Variants in PEBP4 observed in about 807,000 individuals in gnomAD.
PEBP4 encodes phosphatidylethanolamine binding protein 4.
Under a neutral mutation model 23.9 loss-of-function variants are expected in PEBP4, and 22 were observed. The observed-to-expected ratio is 0.92, with a 90% confidence interval of 0.66 to 1.31. The LOEUF (loss-of-function observed/expected upper bound fraction) is 1.31, where lower values mean the gene tolerates loss of function less well. Among genes scored for constraint, PEBP4 ranks in the 40% most tolerant of loss-of-function variants. PEBP4 has a pLI of 0.00. For synonymous variants in PEBP4, 112 were observed against 99.3 expected, an observed-to-expected ratio of 1.13 and a Z score of -0.76; for missense variants, 324 against 281.7, an observed-to-expected ratio of 1.15 and a Z score of -1.07.
chr8:22,853,866 C>T (rs1010797580), intron 3 of PEBP4, among the ~76,000 whole-genome samples: 14 of 152,198 alleles, frequency 9.2e-5, no homozygotes, highest in Non-Finnish European at 1.3e-4. Flanking sequence ...ATGAACAGAT[C>T]ACAGGAGATG....
chr8:22,934,316 A>G (rs1809504963), intron 1 of PEBP4, among the ~76,000 whole-genome samples: 1 of 152,250 alleles, frequency 6.6e-6, no homozygotes, highest in Non-Finnish European at 1.5e-5. Context: ...AATGGGGGGC[A>G]CGGAGCTGTA....
intron 3 of PEBP4, among the ~76,000 whole-genome samples, chr8:22,902,090 G>A (rs575465093): frequency 1.3e-4 from 20 of 152,036 alleles, no homozygotes; most frequent in African/African-American, 4.1e-4. Context: ...AGGCTGAGGC[G>A]GGTGGATCAC....
intron 4 of PEBP4, chr8:22,798,721 CTTTTTTCTTTTTTTTTT>C (rs2128758312): frequency 1.3e-5 from 1 of 77,114 alleles, no homozygotes; most frequent in African/African-American, 5.9e-5. Flanking sequence ...TTTTTCTTTT[CTTTTTTCTTTTTTTTTT>C]TTTTTTTTTT....
chr8:22,907,579 C>A (rs1200367382), intron 3 of PEBP4, among the ~76,000 whole-genome samples: 3 of 151,960 alleles, frequency 2.0e-5, no homozygotes, highest in Non-Finnish European at 4.4e-5. Context: ...GCAAGGGAGC[C>A]AATGAGAAGT....
At chr8:22,746,606 G>A (rs950088007) in intron 4 of PEBP4, among the ~76,000 whole-genome samples, 2 of 141,256 alleles carry the variant, frequency 1.4e-5, no homozygotes, top group African/African-American at 5.3e-5. Flanking sequence ...CCTTTGTTCC[G>A]CCCTCTCCTC....
At chr8:22,927,943 C>T (rs183564569), upstream of PEBP4, 11 of 512,116 alleles carry the variant, frequency 2.1e-5, no homozygotes, top group African/African-American at 5.9e-5. Context: ...ACTCAATGTA[C>T]GTTCCTGGCA....
chr8:22,713,456 A>G lies in PEBP4; in HGVS notation c.598T>C (p.Tyr200His). 1 of 1,613,996 alleles carries G rather than the reference A, an allele frequency of 6.2e-7. No individual in the cohort carries two copies. ...EASTQFMTQN[Y>H]QDSPTLQAPR... ...GCCTGGAGGGTTGGTGAGTCCTGGT[A>G]GTTCTGGGTCATGAACTGGGTGCTT... The change falls in exon 7 of 7, where the codon TAC becomes CAC. Residue 200 changes from tyrosine to histidine, a missense_variant. Physicochemically the swap from Tyr to His is moderately conservative, Grantham distance 83 (BLOSUM62 2). Transcript: ENST00000256404.
intron 4 of PEBP4, among the ~76,000 whole-genome samples, chr8:22,756,441 G>A (rs1196123190): frequency 6.6e-6 from 1 of 152,202 alleles, no homozygotes; most frequent in Non-Finnish European, 1.5e-5. Context: ...GACAGTCTCG[G>A]CCAGTTGTGG....
chr8:22,868,868 A>T (rs1807954923), intron 3 of PEBP4, among the ~76,000 whole-genome samples: 1 of 152,158 alleles, frequency 6.6e-6, no homozygotes, highest in African/African-American at 2.4e-5. Flanking sequence ...CCTGTTTTCA[A>T]CATGGTGGCC....
At chr8:22,801,447 AG>A (rs1475623860) in intron 4 of PEBP4, among the ~76,000 whole-genome samples, 2 of 152,106 alleles carry the variant, frequency 1.3e-5, no homozygotes, top group Non-Finnish European at 2.9e-5. Context: ...CCTGGCTGCC[AG>A]GCCCTCAGGG....
chr8:22,767,685 G>A lies in PEBP4; in HGVS notation c.358-40465C>T, dbSNP rs566566633. ...ATTTGCTATCTTGATCTCGGTGGTG[G>A]TTACTTGGGTAAATAACCATTAAAT... is the stretch of plus-strand genomic sequence containing the variant. On this transcript the variant is annotated intron_variant, in intron 4 of 6. Transcript: ENST00000256404. 1.2e-3 allele frequency among the ~76,000 whole-genome samples: 188 copies of A among 152,122 alleles called. 1 individual carries two copies. Among genetic ancestry groups the A allele is most frequent in the African/African-American group, 4.4e-3 (181 of 41,502 alleles).
chr8:22,760,954 C>T lies in PEBP4; in HGVS notation c.358-33734G>A, dbSNP rs150232537. Reference sequence around the variant, plus strand: ...AAGGAGGTTTCGCGCACACCAGTTGCCCTGTGCATTAGTCCTCTCTTGCAC... The same window carrying T: ...AAGGAGGTTTCGCGCACACCAGTTGTCCTGTGCATTAGTCCTCTCTTGCAC... On this transcript the variant is annotated intron_variant, in intron 4 of 6. Coordinates refer to ENST00000256404, the MANE Select transcript of PEBP4 (RefSeq NM_144962.3). Among the ~76,000 whole-genome samples, 269 of 152,300 alleles carry T rather than the reference C, an allele frequency of 1.8e-3. 1 individual carries two copies. Among genetic ancestry groups the T allele is most frequent in the African/African-American group, 6.1e-3 (253 of 41,544 alleles).
At chr8:22,780,933 C>A (rs1019451710) in intron 4 of PEBP4, among the ~76,000 whole-genome samples, 2 of 152,238 alleles carry the variant, frequency 1.3e-5, no homozygotes, top group Admixed American at 6.5e-5. Flanking sequence ...ATCACCCCAA[C>A]AGCCTTGTGG....
At chr8:22,832,134 C>T (rs938706821) in intron 3 of PEBP4, among the ~76,000 whole-genome samples, 1 of 152,124 alleles carries the variant, frequency 6.6e-6, no homozygotes, top group African/African-American at 2.4e-5. Flanking sequence ...GTGGTCATTC[C>T]TGGAGGCAGA....
At chr8:22,842,485 A>T (rs1035035871) in intron 3 of PEBP4, among the ~76,000 whole-genome samples, 10 of 152,332 alleles carry the variant, frequency 6.6e-5, no homozygotes, top group Middle Eastern at 3.4e-3. Context: ...TAGAGTGAAT[A>T]TGGCTTACAA....
intron 3 of PEBP4, among the ~76,000 whole-genome samples, chr8:22,889,242 G>A (rs1808444285): frequency 2.0e-5 from 3 of 152,184 alleles, no homozygotes; most frequent in Admixed American, 6.5e-5. Context: ...ATCAGAGCTC[G>A]GGAGAGAAGC....
intron 6 of PEBP4, among the ~76,000 whole-genome samples, chr8:22,719,775 G>C (rs750582312): frequency 6.6e-6 from 1 of 152,320 alleles, no homozygotes; most frequent in East Asian, 1.9e-4. Context: ...CTTGACATGG[G>C]TGGCAAGGGG....
chr8:22,883,305 C>T (rs767963604), intron 3 of PEBP4, among the ~76,000 whole-genome samples: 1 of 152,214 alleles, frequency 6.6e-6, no homozygotes, highest in Non-Finnish European at 1.5e-5. Context: ...CCATCAGTTT[C>T]TCACACTGAG....
chr8:22,909,570 A>G (rs1481518865), intron 3 of PEBP4, among the ~76,000 whole-genome samples: 2 of 152,162 alleles, frequency 1.3e-5, no homozygotes. Context: ...GTATTGGCTT[A>G]GGTGGCTGGC....
Sources: gnomAD v4.1 joint callset for allele counts (sites outside exome capture counted in the v4.1 genomes callset) on GRCh38, gnomAD v4.1.1 for gene constraint, MANE v1.5 for transcripts, NCBI Gene and HGNC (gene_info 2026-07-23, HGNC 2026-07-21) for gene names.